Variants in PIK3R1 observed in about 807,000 individuals in gnomAD.
PIK3R1 encodes phosphoinositide-3-kinase regulatory subunit 1.
In PIK3R1, 29 loss-of-function variants were observed where a neutral mutation model predicts 98.0. That is an observed-to-expected ratio of 0.30 (90% CI 0.22 to 0.40). The LOEUF is 0.40. Among genes scored for constraint, PIK3R1 ranks in the 10% least tolerant of loss-of-function variants. The pLI is 1.00. For synonymous variants in PIK3R1, 282 were observed against 311.8 expected (o/e 0.90, Z 1.01); for missense variants, 596 against 872.7 (o/e 0.68, Z 3.99).
At chr5:68,222,913 A>AT (rs1255460445) in intron 1 of PIK3R1, among the ~76,000 whole-genome samples, 3 of 152,074 alleles carry the variant, frequency 2.0e-5, no homozygotes, top group Non-Finnish European at 2.9e-5. Context: ...CCTCTTCGCA[A>AT]TTGCTAAGTA....
At chr5:68,278,785 C>T (rs1257582296) in intron 4 of PIK3R1, among the ~76,000 whole-genome samples, 1 of 151,966 alleles carries the variant, frequency 6.6e-6, no homozygotes, top group Non-Finnish European at 1.5e-5. Flanking sequence ...ACTAAAAATA[C>T]AAAAATTAGC....
intron 2 of PIK3R1, among the ~76,000 whole-genome samples, chr5:68,263,514 A>G (rs1475059256): frequency 6.6e-6 from 1 of 151,940 alleles, no homozygotes; most frequent in Admixed American, 6.6e-5. Flanking sequence ...TTATTTCACT[A>G]CTGATCATAG....
chr5:68,270,535 A>G (rs1746311826), intron 2 of PIK3R1, among the ~76,000 whole-genome samples: 1 of 152,130 alleles, frequency 6.6e-6, no homozygotes, highest in Admixed American at 6.5e-5. Context: ...AGTTTTTTTT[A>G]ATTAAAAAAA....
chr5:68,233,920 G>A (rs989203494), intron 2 of PIK3R1, among the ~76,000 whole-genome samples: 30 of 152,138 alleles, frequency 2.0e-4, no homozygotes, highest in African/African-American at 6.7e-4. Flanking sequence ...ATTTGTATTT[G>A]TCTGTCTATC....
At chr5:68,273,557 G>T in intron 3 of PIK3R1, 75 bp downstream of exon 3, 4 of 1,257,062 alleles carry the variant, frequency 3.2e-6, no homozygotes, top group Non-Finnish European at 4.7e-6. Flanking sequence ...TGTCTCTTGT[G>T]CATTCATTAA....
chr5:68,261,059 C>G (rs538339581), intron 2 of PIK3R1, among the ~76,000 whole-genome samples: 1 of 152,158 alleles, frequency 6.6e-6, no homozygotes, highest in Non-Finnish European at 1.5e-5. Flanking sequence ...TAACTTCCTT[C>G]CCTCCATATT....
intron 7 of PIK3R1, chr5:68,288,575 C>A: frequency 6.6e-7 from 1 of 1,521,772 alleles, no homozygotes; most frequent in Non-Finnish European, 8.7e-7. Context: ...CTGGCGGCGC[C>A]CCCGCTCCTG....
At chr5:68,246,165 G>T (rs1424279786) in intron 2 of PIK3R1, among the ~76,000 whole-genome samples, 1 of 152,114 alleles carries the variant, frequency 6.6e-6, no homozygotes, top group Non-Finnish European at 1.5e-5. Context: ...GTACAAGTTT[G>T]GTTGTGAGCC....
At chr5:68,293,657 A>T (rs1747518331) in intron 10 of PIK3R1, 52 bp from the exon 11 acceptor site, 3 of 1,294,790 alleles carry the variant, frequency 2.3e-6, no homozygotes, top group Non-Finnish European at 3.2e-6. Context: ...TTGTTAAACA[A>T]TTGTTATTTG....
chr5:68,261,986 C>T (rs1745773105), intron 2 of PIK3R1, among the ~76,000 whole-genome samples: 1 of 152,056 alleles, frequency 6.6e-6, no homozygotes, highest in South Asian at 2.1e-4. Context: ...GATGATAATG[C>T]AGAAAGGAGT....
In PIK3R1 at chr5:68,295,165, A is replaced by G; in HGVS notation, c.1586A>G (p.Asp529Gly). 6.2e-7 allele frequency: 1 copy of G among 1,613,948 alleles called. No individual in the cohort carries two copies. Among genetic ancestry groups the G allele is most frequent in the Non-Finnish European group, 8.5e-7 (1 of 1,179,856 alleles). The change falls in exon 13 of 16, where the codon GAT becomes GGT. Residue 529 changes from aspartate to glycine, a missense_variant. By Grantham distance (94) the Asp-to-Gly change is moderately conservative. This residue lies in a region of PIK3R1 where 207 missense variants were observed against 361.4 expected (regional missense o/e 0.57). Transcript: ENST00000521381. ...KEIQRIMHNYDKLKSRISEII... is the reference protein window; with the variant it reads ...KEIQRIMHNYGKLKSRISEII... ...GCCTGCAGGATTATGCATAATTATG[A>G]TAAGTTGAAGTCTCGAATCAGTGAA...
At chr5:68,225,539 T>C (rs755813138) in intron 1 of PIK3R1, among the ~76,000 whole-genome samples, 10 of 152,218 alleles carry the variant, frequency 6.6e-5, no homozygotes, top group Admixed American at 6.5e-4. Context: ...CCACATGTTC[T>C]TTCTCTGCAG....
Position 68,247,264 on chromosome 5 carries a change from A to G in PIK3R1, c.334+20255A>G, listed in dbSNP as rs572810362. ...TTTTTTGAGATAGAATTCCATTTTA[A>G]TAGATCAGTGGATTTTAATTGGACA... On this transcript the variant is annotated intron_variant, in intron 2 of 15. Coordinates refer to ENST00000521381, the MANE Select transcript of PIK3R1 (RefSeq NM_181523.3). Among the ~76,000 whole-genome samples the G allele has an allele frequency of 1.1e-4, 17 of 152,324 alleles. No homozygotes were observed. In the South Asian group the frequency reaches 2.7e-3, roughly 24 times the overall value.
intron 1 of PIK3R1, among the ~76,000 whole-genome samples, chr5:68,219,670 C>A (rs2111930948): frequency 6.6e-6 from 1 of 152,336 alleles, no homozygotes; most frequent in African/African-American, 2.4e-5. Flanking sequence ...TATCTATTTA[C>A]TCCAAAAGGG....
At chr5:68,229,796 TA>T (rs982628391) in intron 2 of PIK3R1, among the ~76,000 whole-genome samples, 15 of 152,370 alleles carry the variant, frequency 9.8e-5, no homozygotes, top group African/African-American at 2.6e-4. Flanking sequence ...AAAGCTGTGA[TA>T]TTTAACTTTT....
intron 2 of PIK3R1, among the ~76,000 whole-genome samples, chr5:68,255,116 T>C (rs1277216808): frequency 1.3e-5 from 2 of 152,236 alleles, no homozygotes; most frequent in African/African-American, 4.8e-5. Context: ...TATTAGAGCT[T>C]CTGAGATTTC....
intron 1 of PIK3R1, among the ~76,000 whole-genome samples, chr5:68,216,636 C>G (rs1743894969): frequency 6.6e-6 from 1 of 152,160 alleles, no homozygotes; most frequent in Non-Finnish European, 1.5e-5. Flanking sequence ...GGTCTTGGAA[C>G]CGCCCGGAAA....
In PIK3R1 at chr5:68,293,557, A is replaced by G. The variant is rs541428462; in HGVS notation, c.1299+74A>G. ...CTTTTAATACTTAGAAAACATTTGA[A>G]GCAGATGAATTACATGTAATCAAGT... On this transcript the variant is annotated intron_variant, in intron 10 of 15. Coordinates refer to ENST00000521381, the MANE Select transcript of PIK3R1 (RefSeq NM_181523.3). 9.9e-6 allele frequency: 13 copies of G among 1,310,900 alleles called. No individual in the cohort carries two copies. The South Asian group carries it at 1.7e-4, about 17-fold the overall frequency. 81.2% of individuals were successfully genotyped at this position (1,310,900 alleles called of 1,614,324 possible).
chr5:68,267,040 A>G (rs981007678), intron 2 of PIK3R1, among the ~76,000 whole-genome samples: 48 of 152,250 alleles, frequency 3.2e-4, no homozygotes, highest in African/African-American at 9.9e-4. Context: ...CTTATAAATC[A>G]TTGGCTTCAA....
Sources: gnomAD v4.1 joint callset for allele counts (sites outside exome capture counted in the v4.1 genomes callset) on GRCh38, gnomAD v4.1.1 for gene constraint, gnomAD v4.1.1 regional missense constraint, MANE v1.5 for transcripts, NCBI Gene and HGNC (gene_info 2026-07-23, HGNC 2026-07-21) for gene names.